Variants in FGF14 observed in about 807,000 individuals in gnomAD.
The protein encoded by FGF14 is fibroblast growth factor 14.
Under a neutral mutation model 25.5 loss-of-function variants are expected in FGF14, and 5 were observed. The observed-to-expected ratio is 0.20, with a 90% CI of 0.10 to 0.41. The LOEUF is 0.41. Among genes scored for constraint, FGF14 ranks in the 10% least tolerant of loss-of-function variants. The pLI is 1.00. For synonymous variants in FGF14, 138 were observed against 118.3 expected (o/e 1.17, Z -1.08); for missense variants, 222 against 320.1 (o/e 0.69, Z 2.34).
intron 1 of FGF14, among the ~76,000 whole-genome samples, chr13:102,312,297 G>A (rs2055813096): frequency 6.6e-6 from 1 of 150,384 alleles, no homozygotes; most frequent in Non-Finnish European, 1.5e-5. Context: ...AAGTGGGAGA[G>A]AGCTTATATT....
At chr13:101,887,361 T>A (rs182685968) in intron 1 of FGF14, among the ~76,000 whole-genome samples, 1 of 150,638 alleles carries the variant, frequency 6.6e-6, no homozygotes, top group African/African-American at 2.4e-5. Context: ...CACACACACA[T>A]ACACACATGC....
chr13:101,962,265 G>A (rs2036906210), intron 1 of FGF14, among the ~76,000 whole-genome samples: 1 of 152,094 alleles, frequency 6.6e-6, no homozygotes, highest in African/African-American at 2.4e-5. Flanking sequence ...CCTTGAAGAG[G>A]TGCTTCACTT....
chr13:102,282,421 C>T (rs2053890488), intron 1 of FGF14, among the ~76,000 whole-genome samples: 1 of 152,168 alleles, frequency 6.6e-6, no homozygotes, highest in Non-Finnish European at 1.5e-5. Flanking sequence ...GAAATTATTT[C>T]ATCTGTCTTA....
At chr13:102,022,016 T>C (rs1283181731) in intron 1 of FGF14, among the ~76,000 whole-genome samples, 1 of 152,088 alleles carries the variant, frequency 6.6e-6, no homozygotes, top group African/African-American at 2.4e-5. Context: ...ACTCCCCAGA[T>C]AGAACTGCCA....
intron 1 of FGF14, among the ~76,000 whole-genome samples, chr13:101,941,282 T>C (rs1242574737): frequency 6.6e-6 from 1 of 152,198 alleles, no homozygotes; most frequent in Non-Finnish European, 1.5e-5. Flanking sequence ...GCTACAGCTG[T>C]AGTTACCCAA....
intron 1 of FGF14, among the ~76,000 whole-genome samples, chr13:102,106,346 G>GAATC (rs899034412): frequency 1.3e-5 from 2 of 152,090 alleles, no homozygotes; most frequent in East Asian, 1.9e-4. Flanking sequence ...CGAGGTGGGT[G>GAATC]AATCACTTGA....
chr13:102,308,566 T>A (rs1012280678), intron 1 of FGF14, among the ~76,000 whole-genome samples: 5 of 152,178 alleles, frequency 3.3e-5, no homozygotes, highest in Admixed American at 2.0e-4. Context: ...AATGCAATTA[T>A]GTCAGGAAAA....
intron 3 of FGF14, among the ~76,000 whole-genome samples, chr13:101,829,794 T>G (rs576101198): frequency 1.3e-5 from 2 of 152,196 alleles, no homozygotes; most frequent in Non-Finnish European, 2.9e-5. Context: ...ATTCCAGTAA[T>G]TTTCACAGTG....
In FGF14 at chr13:101,803,658, A is replaced by G. The variant is rs1032079260; in HGVS notation, c.408+65067T>C. Among the ~76,000 whole-genome samples the G allele has an allele frequency of 5.3e-5, 8 of 152,332 alleles. No individual in the cohort carries two copies. In the East Asian group the frequency reaches 9.7e-4, roughly 18 times the overall value. On this transcript the variant is annotated intron_variant, in intron 3 of 4. Transcript: ENST00000376143. ...TAATGCATTTTAAAAAATAAATGGT[A>G]GACTATATAGAACTTAGTAACAGAT...
chr13:101,981,979 G>A (rs1190861824), intron 1 of FGF14, among the ~76,000 whole-genome samples: 1 of 152,124 alleles, frequency 6.6e-6, no homozygotes, highest in Non-Finnish European at 1.5e-5. Context: ...GTGGATCTCA[G>A]GGGAAAATAA....
At chr13:101,757,807 A>G (rs1000132324) in intron 3 of FGF14, among the ~76,000 whole-genome samples, 4 of 152,318 alleles carry the variant, frequency 2.6e-5, no homozygotes, top group South Asian at 2.1e-4. Context: ...AGCCCCAGGA[A>G]ACTGGGATTA....
At chr13:102,076,163 C>T (rs1430617058) in intron 1 of FGF14, among the ~76,000 whole-genome samples, 1 of 152,118 alleles carries the variant, frequency 6.6e-6, no homozygotes, top group Admixed American at 6.6e-5. Context: ...ATGTCCTAGG[C>T]CTTCACATCC....
At chr13:102,204,433 G>A (rs1373110664) in intron 1 of FGF14, among the ~76,000 whole-genome samples, 1 of 152,218 alleles carries the variant, frequency 6.6e-6, no homozygotes, top group African/African-American at 2.4e-5. Flanking sequence ...TCAGTTTAGT[G>A]GCCAGGAAAG....
chr13:101,912,418 C>T (rs1225835416), intron 1 of FGF14, among the ~76,000 whole-genome samples: 1 of 152,094 alleles, frequency 6.6e-6, no homozygotes, highest in Non-Finnish European at 1.5e-5. Flanking sequence ...ATCCTGTGAA[C>T]AATTATGGTT....
At chr13:101,870,672 T>C (rs529934615) in intron 2 of FGF14, among the ~76,000 whole-genome samples, 3 of 152,262 alleles carry the variant, frequency 2.0e-5, no homozygotes, top group South Asian at 4.1e-4. Flanking sequence ...AATTATAAAA[T>C]ACAAGGTATT....
At chr13:101,920,756 A>T (rs1163792521), upstream of FGF14, among the ~76,000 whole-genome samples, 1 of 152,218 alleles carries the variant, frequency 6.6e-6, no homozygotes, top group African/African-American at 2.4e-5. Flanking sequence ...TTTTGACGAA[A>T]TAAGTCCCAA....
chr13:101,971,699 A>G (rs1045619062), intron 1 of FGF14, among the ~76,000 whole-genome samples: 1 of 152,208 alleles, frequency 6.6e-6, no homozygotes, highest in African/African-American at 2.4e-5. Context: ...AGTAGTTATT[A>G]TCACTCCATT....
intron 1 of FGF14, among the ~76,000 whole-genome samples, chr13:102,382,354 T>C (rs2058203884): frequency 6.6e-6 from 1 of 152,042 alleles, no homozygotes; most frequent in Admixed American, 6.5e-5. Flanking sequence ...GATATACAAT[T>C]GGTCAGTAAG....
At chr13:102,157,309 G>A (rs1234436757) in intron 1 of FGF14, among the ~76,000 whole-genome samples, 1 of 152,076 alleles carries the variant, frequency 6.6e-6, no homozygotes, top group South Asian at 2.1e-4. Context: ...CCAAAACAGA[G>A]ATATAGACCA....
Sources: allele counts gnomAD v4.1 joint callset (sites outside exome capture counted in the v4.1 genomes callset), GRCh38; gene constraint gnomAD v4.1.1; transcripts MANE v1.5; gene names NCBI Gene and HGNC (gene_info 2026-07-23, HGNC 2026-07-21).